Variants in RORB observed in about 807,000 individuals in gnomAD.
RORB encodes the protein RAR related orphan receptor B, also known as nuclear receptor ROR-beta.
RORB carries 6 observed loss-of-function variants against 59.1 expected under a neutral mutation model. That is an observed-to-expected ratio of 0.10 (90% CI 0.06 to 0.20). RORB has a LOEUF of 0.20. Ranked by LOEUF, RORB falls within the 10% of genes least tolerant of loss-of-function variation. The pLI, the probability that RORB is intolerant of heterozygous loss-of-function variation, is 1.00. For missense variants in RORB, 320 were observed against 560.5 expected, an observed-to-expected ratio of 0.57 and a Z score of 4.33; for synonymous variants, 215 against 204.5, an observed-to-expected ratio of 1.05 and a Z score of -0.44.
chr9:74,658,024 AAAAAG>A (rs1563966345), intron 4 of RORB, among the ~76,000 whole-genome samples: 1 of 129,522 alleles, frequency 7.7e-6, no homozygotes, highest in Non-Finnish European at 1.8e-5. Context: ...AAAAAAAAAA[AAAAAG>A]AAAAGAAAAG....
intron 6 of RORB, 52 bp from the exon 7 acceptor site, chr9:74,665,435 TG>T: frequency 1.8e-6 from 2 of 1,087,280 alleles, no homozygotes; most frequent in Middle Eastern, 2.4e-4. Context: ...TCTTTATTAT[TG>T]GATATATATG....
At chr9:74,647,577 T>C (rs1351278493) in intron 4 of RORB, among the ~76,000 whole-genome samples, 2 of 152,222 alleles carry the variant, frequency 1.3e-5, no homozygotes, top group African/African-American at 4.8e-5. Context: ...CCTTCTTATA[T>C]TGTCTTTAAC....
intron 1 of RORB, among the ~76,000 whole-genome samples, chr9:74,515,976 A>T (rs1221923816): frequency 1.3e-5 from 2 of 152,210 alleles, no homozygotes; most frequent in Non-Finnish European, 2.9e-5. Context: ...AATGAAAGAA[A>T]CAAAGCATAA....
chr9:74,515,832 G>C (rs554959199), intron 1 of RORB, among the ~76,000 whole-genome samples: 36 of 152,206 alleles, frequency 2.4e-4, no homozygotes, highest in African/African-American at 8.4e-4. Flanking sequence ...GAAGAACTCT[G>C]TGAGAAGTCA....
intron 1 of RORB, among the ~76,000 whole-genome samples, chr9:74,574,683 G>A (rs12235861): frequency 6.6e-6 from 1 of 152,118 alleles, no homozygotes; most frequent in East Asian, 1.9e-4. Context: ...TAACTTGTAG[G>A]TAAATTGACC....
At chr9:74,530,125 C>T (rs1022296029) in intron 1 of RORB, among the ~76,000 whole-genome samples, 11 of 151,940 alleles carry the variant, frequency 7.2e-5, no homozygotes, top group African/African-American at 2.7e-4. Flanking sequence ...ATCTAAATTC[C>T]ACTCCAAGTG....
intron 1 of RORB, among the ~76,000 whole-genome samples, chr9:74,616,048 A>G (rs1043750066): frequency 1.3e-5 from 2 of 152,202 alleles, no homozygotes; most frequent in Non-Finnish European, 2.9e-5. Context: ...ATTTATATAT[A>G]TGATACCAGA....
chr9:74,596,194 TAGA>T (rs1226271365), intron 1 of RORB, among the ~76,000 whole-genome samples: 1 of 152,150 alleles, frequency 6.6e-6, no homozygotes, highest in Non-Finnish European at 1.5e-5. Context: ...ACCTGTACTT[TAGA>T]AGTACAGGAA....
chr9:74,583,685 C>G (rs1023099156), intron 1 of RORB, among the ~76,000 whole-genome samples: 5 of 152,142 alleles, frequency 3.3e-5, no homozygotes, highest in Non-Finnish European at 7.4e-5. Flanking sequence ...CCAGCTCTAT[C>G]CATCCTTAGA....
chr9:74,670,105 C>G (rs1824324863), intron 8 of RORB, among the ~76,000 whole-genome samples: 1 of 151,660 alleles, frequency 6.6e-6, no homozygotes, highest in South Asian at 2.1e-4. Flanking sequence ...GTTTCCCAGG[C>G]TTGGAAGCAC....
rs570370550 is a variant in RORB at position 74,659,996 on chromosome 9, G to A, written c.638-621G>A. On this transcript the variant is annotated intron_variant, in intron 4 of 9. Coordinates refer to ENST00000376896, the MANE Select transcript of RORB (RefSeq NM_006914.4). ...CAATTCCAATCATTATCAACTCATA[G>A]CCAATATTGTATTGTGTACACCACC... Among the ~76,000 whole-genome samples, 889 of 145,214 alleles carry A rather than the reference G, an allele frequency of 6.1e-3. 11 individuals are homozygous for A. Among genetic ancestry groups the A allele is most frequent in the African/African-American group, 0.022 (848 of 39,222 alleles).
chr9:74,658,604 T>C (rs868544545), intron 4 of RORB, among the ~76,000 whole-genome samples: 3 of 152,226 alleles, frequency 2.0e-5, no homozygotes, highest in African/African-American at 4.8e-5. Context: ...TCTTTGAAAA[T>C]GAAAACAAAC....
At chr9:74,679,603 A>G (rs1222591065) in intron 9 of RORB, among the ~76,000 whole-genome samples, 2 of 152,172 alleles carry the variant, frequency 1.3e-5, no homozygotes, top group Non-Finnish European at 2.9e-5. Context: ...GCCAGGTGCA[A>G]GGAGACAATT....
At chr9:74,642,937 C>A (rs1823836553) in intron 4 of RORB, 122 bp downstream of exon 4, 3 of 637,502 alleles carry the variant, frequency 4.7e-6, no homozygotes, top group Non-Finnish European at 7.5e-6. Flanking sequence ...ACAGCTTCTA[C>A]TGAGAAAACA....
chr9:74,651,748 A>G (rs989037490), intron 4 of RORB, among the ~76,000 whole-genome samples: 3 of 152,210 alleles, frequency 2.0e-5, no homozygotes, highest in African/African-American at 7.2e-5. Flanking sequence ...TGGTCTTACT[A>G]TATAACCCCC....
At chr9:74,516,026 T>C (rs1372753659) in intron 1 of RORB, among the ~76,000 whole-genome samples, 1 of 152,080 alleles carries the variant, frequency 6.6e-6, no homozygotes, top group Non-Finnish European at 1.5e-5. Context: ...TGTGTCAGAC[T>C]GTGTTTGGTC....
rs796447482 is a variant in RORB at position 74,658,628 on chromosome 9, T to C, written c.638-1989T>C. Among the ~76,000 whole-genome samples the C allele has an allele frequency of 7.9e-5, 12 of 152,272 alleles. 1 individual carries two copies. The highest frequency in any genetic ancestry group is 2.9e-4 in the African/African-American group (12 of 41,570). ...ATGAAAACAAACTACACCAAGAAGA[T>C]AATAGTTTGAAAACTATAAAGCTAT... On this transcript the variant is annotated intron_variant, in intron 4 of 9. Transcript: ENST00000376896.
At chr9:74,612,228 G>A (rs1273190713) in intron 1 of RORB, among the ~76,000 whole-genome samples, 4 of 152,100 alleles carry the variant, frequency 2.6e-5, no homozygotes, top group Admixed American at 6.6e-5. Context: ...AGTGGAGAGA[G>A]GCTGTCAGGA....
Position 74,685,795 on chromosome 9 carries a change from C to A in RORB, c.*177C>A. On this transcript the variant is annotated 3_prime_UTR_variant, in exon 10 of 10. Coordinates refer to ENST00000376896, the MANE Select transcript of RORB (RefSeq NM_006914.4). ...AATGTAAATATGCACCTGAGTGGGGCTCTTTTATTTGTTTGTTTGTTTTTG... is the reference window on the plus strand; with the variant it reads ...AATGTAAATATGCACCTGAGTGGGGATCTTTTATTTGTTTGTTTGTTTTTG... The A allele has an allele frequency of 2.4e-6, 1 of 413,850 alleles. No individual in the cohort carries two copies. Among genetic ancestry groups the A allele is most frequent in the Non-Finnish European group, 4.2e-6 (1 of 239,550 alleles). 25.6% of individuals were successfully genotyped at this position (413,850 alleles called of 1,614,324 possible).
Sources: gnomAD v4.1 joint callset for allele counts (sites outside exome capture counted in the v4.1 genomes callset) on GRCh38, gnomAD v4.1.1 for gene constraint, MANE v1.5 for transcripts, NCBI Gene and HGNC (gene_info 2026-07-23, HGNC 2026-07-21) for gene names.